Variants in TUT4 observed in about 807,000 individuals in gnomAD.
TUT4 encodes terminal uridylyl transferase 4.
TUT4 carries 36 observed loss-of-function variants against 192.2 expected under a neutral mutation model. The ratio of observed to expected loss-of-function variants is 0.19; its 90% CI spans 0.14 to 0.25. TUT4 has a LOEUF of 0.25. TUT4 is among the 10% of genes least tolerant of loss of function. The probability of loss-of-function intolerance (pLI) is 1.00; values close to 1 mark genes in which losing one functional copy is unlikely to be tolerated. For synonymous variants in TUT4, 618 were observed against 666.0 expected (o/e 0.93, Z 1.11); for missense variants, 1,493 against 1,957.2 (o/e 0.76, Z 4.47).
At chr1:52,447,379 G>C (rs1453032022) in intron 20 of TUT4, among the ~76,000 whole-genome samples, 1 of 151,288 alleles carries the variant, frequency 6.6e-6, no homozygotes, top group Non-Finnish European at 1.5e-5. Context: ...AACCTGGAAA[G>C]CAGAGGTTGC....
At chr1:52,533,588 T>G (rs1246067080) in intron 1 of TUT4, among the ~76,000 whole-genome samples, 1 of 152,164 alleles carries the variant, frequency 6.6e-6, no homozygotes, top group Admixed American at 6.5e-5. Flanking sequence ...TCCCTTACGC[T>G]CTCTCATGCT....
rs755753994 is a variant in TUT4, at chr1:52,477,818, T to G, written c.1913A>C (p.Lys638Thr). The change falls in exon 12 of 30, where the codon AAA becomes ACA. Residue 638 changes from lysine (K) to threonine (T), a missense_variant. Around this residue, in one of 7 missense-constraint regions of TUT4, gnomAD observed 437 missense variants for 577.6 expected, o/e 0.76. Transcript: ENST00000257177. ...CAAAGCAAAATCCAGTGTGTAGAAT[T>G]TAAGCAGCTCTAACCATAACTGTCC... ...SLGQLWLELLKFYTLDFALEE... is the reference protein window; with the variant it reads ...SLGQLWLELLTFYTLDFALEE... The G allele has an allele frequency of 1.9e-6, 3 of 1,613,956 alleles. No individual in the cohort carries two copies. The highest frequency in any genetic ancestry group is 2.5e-6 in the Non-Finnish European group (3 of 1,179,978).
intron 20 of TUT4, 50 bp downstream of exon 20, chr1:52,458,286 G>C (rs756776695): frequency 7.9e-6 from 11 of 1,387,026 alleles, no homozygotes; most frequent in South Asian, 3.7e-5. Flanking sequence ...CCTGTGTTTA[G>C]ATCTATTGTT....
At chr1:52,506,303 G>A (rs904771302) in intron 4 of TUT4, among the ~76,000 whole-genome samples, 4 of 151,804 alleles carry the variant, frequency 2.6e-5, no homozygotes, top group East Asian at 1.9e-4. Context: ...TTCTCCCGTC[G>A]GAGTCAACAA....
At chr1:52,435,297 C>T (rs1653398685) in intron 27 of TUT4, 68 bp downstream of exon 27, 1 of 1,291,376 alleles carries the variant, frequency 7.7e-7, no homozygotes, top group Admixed American at 1.8e-5. Flanking sequence ...TGAGAGAAAA[C>T]ACTATCACCC....
intron 25 of TUT4, chr1:52,437,224 T>G: frequency 2.7e-6 from 1 of 375,228 alleles, no homozygotes. Context: ...TAACAATCCT[T>G]AGAGGTTGAT....
intron 20 of TUT4, among the ~76,000 whole-genome samples, chr1:52,450,443 G>C (rs1256655312): frequency 6.6e-6 from 1 of 152,100 alleles, no homozygotes; most frequent in African/African-American, 2.4e-5. Flanking sequence ...TCAATATTAA[G>C]CAGATGTCTG....
intron 4 of TUT4, among the ~76,000 whole-genome samples, chr1:52,498,609 G>A (rs542466616): frequency 3.6e-4 from 55 of 151,774 alleles, no homozygotes; most frequent in Non-Finnish European, 6.6e-4. Context: ...ATAAAAGGCC[G>A]GATGCAGCGG....
chr1:52,506,420 G>A lies in TUT4; in HGVS notation c.999+3176C>T, dbSNP rs1412262768. ...AACTGGGAAGTATTTCTCCTCTTCA[G>A]TGTTCTGGAAAAATTTGTACAGAAC... On this transcript the variant is annotated intron_variant, in intron 4 of 29. Coordinates refer to ENST00000257177, the MANE Select transcript of TUT4 (RefSeq NM_001009881.3). Among the ~76,000 whole-genome samples, 4 of 152,122 alleles carry A rather than the reference G, an allele frequency of 2.6e-5. No homozygotes were observed. The East Asian group carries it at 5.8e-4, about 22-fold the overall frequency.
chr1:52,446,467 G>C (rs192253466), intron 21 of TUT4, 25 bp from the exon 22 acceptor site: 8 of 1,559,712 alleles, frequency 5.1e-6, no homozygotes, highest in South Asian at 2.4e-5. Flanking sequence ...AAAAAGAAAA[G>C]AACAATGTCT....
intron 9 of TUT4, among the ~76,000 whole-genome samples, chr1:52,484,729 C>T (rs921820394): frequency 1.3e-5 from 2 of 152,094 alleles, no homozygotes; most frequent in Non-Finnish European, 2.9e-5. Context: ...ATCTATTTTT[C>T]TATTTCTATG....
At chr1:52,468,065 C>A (rs889744699) in intron 15 of TUT4, 116 bp downstream of exon 15, 1 of 738,204 alleles carries the variant, frequency 1.4e-6, no homozygotes, top group Admixed American at 3.5e-5. Flanking sequence ...CACTGTATTC[C>A]CAGCAACTAG....
chr1:52,439,545 G>C (rs529261029), intron 24 of TUT4, among the ~76,000 whole-genome samples: 48 of 152,266 alleles, frequency 3.2e-4, no homozygotes, highest in African/African-American at 1.2e-3. Flanking sequence ...GTCCACTTAG[G>C]TGTTGTCACA....
intron 13 of TUT4, among the ~76,000 whole-genome samples, chr1:52,473,466 TGATG>T (rs964660927): frequency 6.6e-6 from 1 of 152,218 alleles, no homozygotes; most frequent in African/African-American, 2.4e-5. Context: ...CTTTTGGAGC[TGATG>T]GATGGATAGG....
At chr1:52,447,807 T>A (rs1044047006) in intron 20 of TUT4, among the ~76,000 whole-genome samples, 2 of 152,150 alleles carry the variant, frequency 1.3e-5, no homozygotes, top group South Asian at 2.1e-4. Flanking sequence ...CCAGTGAAAA[T>A]GAGGAAAGAC....
rs756099732 is a variant in TUT4 at position 52,481,789 on chromosome 1, C to G, written c.1635+15G>C. The G allele has an allele frequency of 1.9e-6, 3 of 1,570,542 alleles. No individual in the cohort carries two copies. The highest frequency in any genetic ancestry group is 2.1e-5 in the Admixed American group (1 of 48,362). The stretch of plus-strand genomic sequence containing the variant: ...TATATATATATGCATATATATGTCA[C>G]AAATTCATGCTTACCCAACTTCCAA... On this transcript the variant is annotated intron_variant, in intron 10 of 29. Transcript: ENST00000257177.
intron 1 of TUT4, among the ~76,000 whole-genome samples, chr1:52,548,871 C>A (rs1571574586): frequency 6.6e-6 from 1 of 152,218 alleles, no homozygotes; most frequent in East Asian, 1.9e-4. Context: ...AGCCCATGCT[C>A]TTCAATGCCT....
At chr1:52,424,196 A>G (rs1649011611) in intron 29 of TUT4, 194 bp from the exon 30 acceptor site, 1 of 581,474 alleles carries the variant, frequency 1.7e-6, no homozygotes, top group Non-Finnish European at 3.0e-6. Context: ...TGAAAAAAGG[A>G]GAGGACACGA....
intron 1 of TUT4, among the ~76,000 whole-genome samples, chr1:52,541,532 A>G (rs987154521): frequency 3.6e-5 from 5 of 137,558 alleles, no homozygotes; most frequent in Non-Finnish European, 7.7e-5. Context: ...ACTCCGTCTC[A>G]AAAAAAAAAA....
Sources: gnomAD v4.1 joint callset for allele counts (sites outside exome capture counted in the v4.1 genomes callset) on GRCh38, gnomAD v4.1.1 for gene constraint, gnomAD v4.1.1 regional missense constraint, MANE v1.5 for transcripts, NCBI Gene and HGNC (gene_info 2026-07-23, HGNC 2026-07-21) for gene names.